Variants in CBR4 observed in about 807,000 individuals in gnomAD.
The protein encoded by CBR4 is 3-oxoacyl-[acyl-carrier-protein] reductase.
CBR4 carries 22 observed loss-of-function variants against 21.0 expected under a neutral mutation model. That is an observed-to-expected ratio of 1.05 (90% CI 0.75 to 1.50). The LOEUF is 1.50. Among genes scored for constraint, CBR4 ranks in the 40% most tolerant of loss-of-function variants. The pLI is 0.00. For missense variants in CBR4, 302 were observed against 286.3 expected (o/e 1.05, Z -0.40); for synonymous variants, 100 against 104.4 (o/e 0.96, Z 0.26).
At chr4:168,897,262 T>G (rs2151246955) in intron 2 of CBR4, among the ~76,000 whole-genome samples, 1 of 152,364 alleles carries the variant, frequency 6.6e-6, no homozygotes, top group East Asian at 1.9e-4. Context: ...TTGATAGTAA[T>G]TAGATGAAGC....
At chr4:168,911,233 T>A (rs1758878607) in intron 2 of CBR4, among the ~76,000 whole-genome samples, 1 of 152,230 alleles carries the variant, frequency 6.6e-6, no homozygotes, top group Non-Finnish European at 1.5e-5. Flanking sequence ...TCCAGGTTAG[T>A]GAGGTGTGTT....
At chr4:168,983,597 A>G (rs375131870), downstream of CBR4, among the ~76,000 whole-genome samples, 30 of 152,282 alleles carry the variant, frequency 2.0e-4, no homozygotes, top group Middle Eastern at 3.4e-3. Flanking sequence ...TGGCACAGAC[A>G]TAATGAAAAA....
intron 2 of CBR4, among the ~76,000 whole-genome samples, chr4:168,976,913 G>C (rs920988010): frequency 6.6e-6 from 1 of 152,170 alleles, no homozygotes; most frequent in Non-Finnish European, 1.5e-5. Context: ...AGGTCACAGG[G>C]GATATGATGG....
At chr4:168,934,282 C>CAAAAAAAAAAAAAAAAA (rs60538970) in intron 2 of CBR4, among the ~76,000 whole-genome samples, 4 of 18,176 alleles carry the variant, frequency 2.2e-4, no homozygotes, top group Non-Finnish European at 2.1e-4. Context: ...GCAAAAAAAA[C>CAAAAAAAAAAAAAAAAA]AAAAAAAAAA....
At chr4:168,975,034 A>T (rs184135146) in intron 2 of CBR4, among the ~76,000 whole-genome samples, 2 of 152,178 alleles carry the variant, frequency 1.3e-5, no homozygotes, top group African/African-American at 4.8e-5. Flanking sequence ...ATTTGGGTAG[A>T]TTGTTTCAGT....
At chr4:169,009,059 CAAAAAAAA>C in intron 1 of CBR4, 1 of 359,598 alleles carries the variant, frequency 2.8e-6, no homozygotes, top group Non-Finnish European at 5.2e-6. Context: ...GAAGCCCTCT[CAAAAAAAA>C]AAAAAAAAAA....
intron 2 of CBR4, among the ~76,000 whole-genome samples, chr4:168,962,962 G>C (rs139814180): frequency 9.3e-4 from 142 of 152,222 alleles, no homozygotes; most frequent in African/African-American, 3.2e-3. Flanking sequence ...ATGTCTACTA[G>C]ATACAAAGTA....
At chr4:168,991,744 T>C (rs1764936145) in intron 4 of CBR4, among the ~76,000 whole-genome samples, 1 of 152,168 alleles carries the variant, frequency 6.6e-6, no homozygotes, top group Non-Finnish European at 1.5e-5. Flanking sequence ...ATCAGTATCC[T>C]GTATATTACT....
rs1359200425 is a variant in CBR4 at position 168,931,724 on chromosome 4, T to TG, written n.170-36960dup. Among the ~76,000 whole-genome samples the TG allele has an allele frequency of 2.0e-5, 3 of 152,126 alleles. No homozygotes were observed. In the East Asian group the frequency reaches 5.8e-4, roughly 29 times the overall value. On this transcript the variant is annotated intron_variant and non_coding_transcript_variant, in intron 2 of 3. Transcript: ENST00000509108. ...AGTTGGTTGACACCGTTCACACACA[T>TG]GCCCCCAATTTGAGAAACAATCCAG...
At chr4:168,991,362 G>A (rs1450618152) in intron 4 of CBR4, among the ~76,000 whole-genome samples, 2 of 152,130 alleles carry the variant, frequency 1.3e-5, no homozygotes, top group African/African-American at 2.4e-5. Context: ...TTTTCACTTA[G>A]GTAGGGATAG....
At position 168,988,847 on chromosome 4, in the gene CBR4, T is replaced by C; in HGVS notation, c.*1303A>G. 1.0e-6 allele frequency: 1 copy of C among 955,298 alleles called. No individual in the cohort carries two copies. Among genetic ancestry groups the C allele is most frequent in the Non-Finnish European group, 1.2e-6 (1 of 802,458 alleles). 59.2% of individuals were successfully genotyped at this position (955,298 alleles called of 1,614,324 possible). Reference sequence around the variant, plus strand: ...ACTTTTGTTATTACTTTGTATTTATTAGTATATCCTATTCATAATTTTGCA... The same window carrying C: ...ACTTTTGTTATTACTTTGTATTTATCAGTATATCCTATTCATAATTTTGCA... On this transcript the variant is annotated 3_prime_UTR_variant, in exon 5 of 5. Transcript: ENST00000306193.
intron 2 of CBR4, among the ~76,000 whole-genome samples, chr4:168,940,283 A>T (rs1763226701): frequency 6.6e-6 from 1 of 152,212 alleles, no homozygotes; most frequent in Non-Finnish European, 1.5e-5. Context: ...TTATACAAAA[A>T]TTAACTCAAG....
intron 2 of CBR4, among the ~76,000 whole-genome samples, chr4:168,961,837 C>T (rs1488352086): frequency 6.6e-6 from 1 of 151,902 alleles, no homozygotes; most frequent in Non-Finnish European, 1.5e-5. Context: ...TTACAGTGAG[C>T]CAAGATCGTG....
intron 2 of CBR4, chr4:168,898,862 G>A (rs1755835434): frequency 2.8e-6 from 2 of 708,832 alleles, no homozygotes; most frequent in South Asian, 3.3e-5. Context: ...TTAAGTTCTG[G>A]GCCATCTTCA....
At chr4:168,898,201 T>G in intron 2 of CBR4, 1 of 445,078 alleles carries the variant, frequency 2.2e-6, no homozygotes, top group South Asian at 2.2e-5. Context: ...TTTTGCCTTT[T>G]TCTTTCCTTC....
chr4:168,990,080 A>G lies in CBR4; in HGVS notation c.*70T>C, dbSNP rs1764835586. 1 of 1,416,716 alleles carries G rather than the reference A, an allele frequency of 7.1e-7. No homozygotes were observed. Among genetic ancestry groups the G allele is most frequent in the African/African-American group, 1.5e-5 (1 of 68,304 alleles). The allele number at this position is 1,416,716 out of a possible 1,614,324, so 87.8% of individuals were successfully genotyped here. A position where few individuals can be genotyped will look rare whatever the true frequency, so the allele number is the denominator to read the frequency against. On this transcript the variant is annotated 3_prime_UTR_variant, in exon 5 of 5. Transcript: ENST00000306193. ...ATTAGCACATGTTACCCATGTAGGT[A>G]TAATTGTCTAATCAGTAGCCAAAGT...
intron 2 of CBR4, among the ~76,000 whole-genome samples, chr4:168,908,781 G>A (rs372390223): frequency 3.9e-5 from 6 of 152,094 alleles, no homozygotes; most frequent in South Asian, 2.1e-4. Context: ...AAACACAGAC[G>A]GTAGAGCTCT....
intron 2 of CBR4, among the ~76,000 whole-genome samples, chr4:168,902,346 T>C (rs1756702738): frequency 6.6e-6 from 1 of 152,210 alleles, no homozygotes; most frequent in African/African-American, 2.4e-5. Context: ...AAGGTTTATT[T>C]GCTTATCTAG....
At chr4:168,921,465 C>A in intron 2 of CBR4, 3 of 918,706 alleles carry the variant, frequency 3.3e-6, no homozygotes, top group African/African-American at 1.7e-5. Flanking sequence ...TTTATGCAGA[C>A]TTCTTAGCTA....
Sources: allele counts gnomAD v4.1 joint callset (sites outside exome capture counted in the v4.1 genomes callset), GRCh38; gene constraint gnomAD v4.1.1; transcripts MANE v1.5; gene names NCBI Gene and HGNC (gene_info 2026-07-23, HGNC 2026-07-21).